The following BCL2L11 variants were observed in gnomAD, a reference collection of about 807,000 sequenced individuals.
BCL2L11 encodes the protein BCL2 like 11.
BCL2L11 carries 15 observed loss-of-function variants against 20.6 expected under a neutral mutation model. The observed-to-expected ratio is 0.73, with a 90% CI of 0.49 to 1.12. BCL2L11 has a LOEUF of 1.12. Among genes scored for constraint, BCL2L11 ranks in the 50% most tolerant of loss-of-function variants. BCL2L11 has a pLI of 0.00. For synonymous variants in BCL2L11, 108 were observed against 92.8 expected (o/e 1.16, Z -0.94); for missense variants, 292 against 260.9 (o/e 1.12, Z -0.82).
In BCL2L11 at chr2:111,121,013, G is replaced by GCCA. The variant is rs2070782022; in HGVS notation, c.-187_-186insACC. ...CGCCGCCGCCGCCGCCGCCGCCGCC[G>GCCA]CCGCCGCCACTACCACCACTTGATT... On this transcript the variant is annotated 5_prime_UTR_variant, in exon 1 of 4. Transcript: ENST00000393256. 1 of 392,474 alleles carries GCCA rather than the reference G, an allele frequency of 2.5e-6. No individual in the cohort carries two copies. The highest frequency in any genetic ancestry group is 5.4e-5 in the East Asian group (1 of 18,442). The allele number at this position is 392,474 out of a possible 1,614,324, so 24.3% of individuals were successfully genotyped here.
chr2:111,163,999 T>C, intron 3 of BCL2L11, 134 bp from the exon 4 acceptor site: 1 of 640,502 alleles, frequency 1.6e-6, no homozygotes, highest in Admixed American at 2.4e-5. Context: ...TCGTGCTTTG[T>C]GACACAGTGC....
intron 3 of BCL2L11, among the ~76,000 whole-genome samples, chr2:111,159,805 T>C (rs1158060596): frequency 2.6e-5 from 4 of 152,218 alleles, no homozygotes; most frequent in Admixed American, 2.0e-4. Context: ...ATTCCTGTGG[T>C]ACAGCTCCTC....
At chr2:111,127,424 T>C (rs557133033) in intron 2 of BCL2L11, among the ~76,000 whole-genome samples, 11 of 150,798 alleles carry the variant, frequency 7.3e-5, no homozygotes, top group African/African-American at 2.2e-4. Flanking sequence ...GCTTTCTTTT[T>C]TTTTTTTTTT....
intron 2 of BCL2L11, among the ~76,000 whole-genome samples, chr2:111,132,855 G>A (rs73954943): frequency 0.081 from 12,340 of 152,128 alleles, 610 homozygotes; most frequent in East Asian, 0.12. Flanking sequence ...TACCAGGCCT[G>A]TCTTTTTTCA....
chr2:111,124,588 C>T (rs2150156057), intron 2 of BCL2L11, among the ~76,000 whole-genome samples: 1 of 152,316 alleles, frequency 6.6e-6, no homozygotes, highest in Middle Eastern at 3.4e-3. Flanking sequence ...CCGCGCATGG[C>T]CCACATCAAC....
At position 111,166,897 on chromosome 2, in the gene BCL2L11, ATTAC is replaced by A. The variant is rs1418683377; in HGVS notation, c.*2670_*2673del. 1 of 152,610 alleles carries A rather than the reference ATTAC, an allele frequency of 6.6e-6. No individual in the cohort carries two copies. The highest frequency in any genetic ancestry group is 1.5e-5 in the Non-Finnish European group (1 of 68,026). The allele number at this position is 152,610 out of a possible 1,614,324, so 9.5% of individuals were successfully genotyped here. A position where few individuals can be genotyped will look rare whatever the true frequency, so the allele number is the denominator to read the frequency against. On this transcript the variant is annotated 3_prime_UTR_variant, in exon 4 of 4. Transcript: ENST00000393256. The stretch of plus-strand genomic sequence containing the variant: ...AGTATTTATTAGATTCGTAGGTCAT[ATTAC>A]TTATCAACTGAGCCAAATGTCTGTG...
At position 111,140,852 on chromosome 2, in the gene BCL2L11, C is replaced by T. The variant is rs1420207307; in HGVS notation, c.395-9192C>T. 3.3e-5 allele frequency among the ~76,000 whole-genome samples: 5 copies of T among 152,348 alleles called. No homozygotes were observed. In the East Asian group the frequency reaches 9.6e-4, roughly 29 times the overall value. On this transcript the variant is annotated intron_variant, in intron 2 of 3. Coordinates refer to ENST00000393256, the MANE Select transcript of BCL2L11 (RefSeq NM_138621.5). ...GTTGATTTAAAGAGACTCTCATTAG[C>T]GTTTAATGCAATATACGAGTGCCAC...
intron 2 of BCL2L11, among the ~76,000 whole-genome samples, chr2:111,142,565 C>T (rs1216012683): frequency 6.6e-6 from 1 of 152,190 alleles, no homozygotes; most frequent in African/African-American, 2.4e-5. Flanking sequence ...TAACCGTATA[C>T]ATTATAGGCT....
chr2:111,123,543 CTACCAAAAAAAAATTACACCTT>C (rs767545420), intron 1 of BCL2L11, 168 bp from the exon 2 acceptor site: 51 of 983,748 alleles, frequency 5.2e-5, no homozygotes, highest in Non-Finnish European at 4.3e-5. Flanking sequence ...GGGGTACCCT[CTACCAAAAAAAAATTACACCTT>C]TATTATTTTA....
intron 3 of BCL2L11, among the ~76,000 whole-genome samples, chr2:111,151,042 T>C (rs1441727940): frequency 2.6e-5 from 4 of 152,098 alleles, no homozygotes; most frequent in Admixed American, 2.6e-4. Context: ...GTAGCTGGGA[T>C]TACAGGCGCC....
chr2:111,161,560 T>C, intron 3 of BCL2L11: 1 of 1,539,702 alleles, frequency 6.5e-7, no homozygotes, highest in South Asian at 1.2e-5. Context: ...GGTGTGTTTA[T>C]TGTCTTAGCC....
intron 1 of BCL2L11, chr2:111,122,938 G>C: frequency 1.0e-6 from 1 of 985,592 alleles, no homozygotes. Flanking sequence ...GTTTCGGTGT[G>C]ATTGCCTTCT....
chr2:111,125,925 G>A (rs985213783), intron 2 of BCL2L11, among the ~76,000 whole-genome samples: 4 of 152,034 alleles, frequency 2.6e-5, no homozygotes, highest in Admixed American at 2.0e-4. Flanking sequence ...GATCATTCTC[G>A]CTTACTATAA....
intron 2 of BCL2L11, chr2:111,146,096 A>G: frequency 1.0e-6 from 1 of 985,214 alleles, no homozygotes; most frequent in Non-Finnish European, 1.2e-6. Flanking sequence ...TAAAAAAAAA[A>G]TTTAGTGCCA....
intron 2 of BCL2L11, among the ~76,000 whole-genome samples, chr2:111,129,646 TGTGA>T (rs949648727): frequency 7.9e-5 from 12 of 152,254 alleles, no homozygotes; most frequent in African/African-American, 2.4e-4. Context: ...TTCATGTGTC[TGTGA>T]GTGTTTACTT....
intron 2 of BCL2L11, among the ~76,000 whole-genome samples, chr2:111,133,225 A>T (rs546322124): frequency 6.6e-6 from 1 of 152,258 alleles, no homozygotes; most frequent in African/African-American, 2.4e-5. Context: ...ATTTTCTTCA[A>T]TTAGAATGGC....
intron 2 of BCL2L11, chr2:111,128,819 A>C: frequency 3.4e-6 from 5 of 1,461,442 alleles, no homozygotes; most frequent in Non-Finnish European, 4.5e-6. Context: ...GTCATTGGTG[A>C]TTAAATAAAA....
chr2:111,128,850 C>T (rs2073265255), intron 2 of BCL2L11: 1 of 1,419,702 alleles, frequency 7.0e-7, no homozygotes, highest in Non-Finnish European at 9.2e-7. Context: ...TATTGACTTT[C>T]TCTGTTTCTT....
At chr2:111,123,686 AT>A (rs372903612) in intron 1 of BCL2L11, 46 bp from the exon 2 acceptor site, 21,110 of 942,742 alleles carry the variant, frequency 0.022, no homozygotes, top group South Asian at 0.039. Flanking sequence ...TTATTCATCG[AT>A]TTTTTTTTTT....
Sources: allele counts gnomAD v4.1 joint callset (sites outside exome capture counted in the v4.1 genomes callset), GRCh38; gene constraint gnomAD v4.1.1; transcripts MANE v1.5; gene names NCBI Gene and HGNC (gene_info 2026-07-23, HGNC 2026-07-21).